C2orf92: variants seen among roughly 807,000 people sequenced by gnomAD.
The protein encoded by C2orf92 is uncharacterized protein C2orf92.
intron 6 of C2orf92, among the ~76,000 whole-genome samples, chr2:97,700,830 C>A (rs1266897827): frequency 6.6e-6 from 1 of 151,912 alleles, no homozygotes. Flanking sequence ...CCCGGGTTCA[C>A]GCCATTCTCC....
upstream of C2orf92, among the ~76,000 whole-genome samples, chr2:97,667,268 ATT>A (rs1218123940): frequency 8.8e-5 from 2 of 22,822 alleles, no homozygotes; most frequent in Non-Finnish European, 1.3e-4. Flanking sequence ...TCTCTTTTTT[ATT>A]TTTTTTTTTT....
At chr2:97,699,604 T>TA in intron 6 of C2orf92, among the ~76,000 whole-genome samples, 1 of 151,996 alleles carries the variant, frequency 6.6e-6, no homozygotes, top group Non-Finnish European at 1.5e-5. Context: ...AGACTCAATC[T>TA]AAAAAAATAA....
At chr2:97,673,939 C>G (rs1675492371) in intron 1 of C2orf92, among the ~76,000 whole-genome samples, 1 of 152,182 alleles carries the variant, frequency 6.6e-6, no homozygotes, top group Non-Finnish European at 1.5e-5. Flanking sequence ...ACTGAGTGGT[C>G]AAGATCATCC....
At chr2:97,685,225 G>A (rs534357375) in intron 3 of C2orf92, among the ~76,000 whole-genome samples, 5 of 151,118 alleles carry the variant, frequency 3.3e-5, no homozygotes, top group Admixed American at 6.6e-5. Flanking sequence ...CACCACGCCC[G>A]GCCTAGAATG....
chr2:97,667,929 A>C (rs540264574), upstream of C2orf92: 2 of 152,218 alleles, frequency 1.3e-5, no homozygotes, highest in Non-Finnish European at 2.9e-5. Context: ...TCCCCAGGGC[A>C]CTTCCACCCC....
intron 3 of C2orf92, among the ~76,000 whole-genome samples, chr2:97,681,360 A>G (rs910528684): frequency 2.6e-5 from 4 of 152,206 alleles, no homozygotes; most frequent in African/African-American, 9.6e-5. Context: ...TCACAATGGA[A>G]TGAAACTAGA....
chr2:97,667,935 A>G (rs1282635222), upstream of C2orf92: 2 of 152,062 alleles, frequency 1.3e-5, no homozygotes, highest in Non-Finnish European at 2.9e-5. Context: ...GGGCACTTCC[A>G]CCCCTGGGTA....
At chr2:97,690,692 T>C (rs1453615234) in intron 5 of C2orf92, among the ~76,000 whole-genome samples, 1 of 148,804 alleles carries the variant, frequency 6.7e-6, no homozygotes, top group Non-Finnish European at 1.5e-5. Context: ...CTCCTTTTCC[T>C]TTTACCTGAC....
At chr2:97,678,115 G>T (rs1675641733) in intron 3 of C2orf92, among the ~76,000 whole-genome samples, 1 of 151,862 alleles carries the variant, frequency 6.6e-6, no homozygotes, top group African/African-American at 2.4e-5. Context: ...CAGGAGAATG[G>T]CATGAACCCA....
intron 1 of C2orf92, 62 bp from the exon 2 acceptor site, chr2:97,674,394 C>A (rs184714674): frequency 2.5e-6 from 1 of 398,164 alleles, no homozygotes; most frequent in Non-Finnish European, 4.4e-6. Flanking sequence ...TATTCATAGT[C>A]TGCTTTAGGT....
intron 5 of C2orf92, among the ~76,000 whole-genome samples, chr2:97,696,122 A>G (rs1003478395): frequency 6.6e-6 from 1 of 152,238 alleles, no homozygotes; most frequent in African/African-American, 2.4e-5. Flanking sequence ...AGGAGAGTCA[A>G]TCTAATCGGT....
chr2:97,677,235 G>A (rs765731457), intron 3 of C2orf92, among the ~76,000 whole-genome samples: 16 of 152,156 alleles, frequency 1.1e-4, no homozygotes, highest in Non-Finnish European at 1.8e-4. Context: ...AACTCAGGGC[G>A]CGTATTTTGA....
At chr2:97,668,316 C>T (rs1675302787), upstream of C2orf92, 1 of 152,172 alleles carries the variant, frequency 6.6e-6, no homozygotes, top group Admixed American at 6.5e-5. Context: ...CCCCGCCGAA[C>T]CTCAGAATGT....
At chr2:97,693,161 C>T (rs918602920) in intron 5 of C2orf92, among the ~76,000 whole-genome samples, 4 of 152,062 alleles carry the variant, frequency 2.6e-5, no homozygotes, top group African/African-American at 9.7e-5. Context: ...ACAGAATTTC[C>T]TTTCTTTTTA....
intron 4 of C2orf92, among the ~76,000 whole-genome samples, chr2:97,689,855 G>A (rs1159562998): frequency 1.3e-5 from 2 of 152,148 alleles, no homozygotes; most frequent in East Asian, 1.9e-4. Flanking sequence ...CAAGCCAGGC[G>A]CGGTGGCTCA....
At chr2:97,671,794 C>T in intron 1 of C2orf92, 1 of 297,708 alleles carries the variant, frequency 3.4e-6, no homozygotes, top group Non-Finnish European at 6.1e-6. Flanking sequence ...AGTTTCTGCT[C>T]TGAGGCCCCA....
intron 5 of C2orf92, among the ~76,000 whole-genome samples, chr2:97,694,267 C>T (rs768914660): frequency 6.8e-6 from 1 of 146,722 alleles, no homozygotes; most frequent in Non-Finnish European, 1.5e-5. Flanking sequence ...TTTTTTGAGA[C>T]AGAGCCTCAC....
chr2:97,692,298 T>C (rs1455012390), intron 5 of C2orf92, among the ~76,000 whole-genome samples: 1 of 152,188 alleles, frequency 6.6e-6, no homozygotes, highest in Admixed American at 6.6e-5. Context: ...CATTATACTC[T>C]CTACCTACTT....
rs887119823 is a variant in C2orf92 at position 97,688,884 on chromosome 2, C to G, written c.233-11C>G. 3 of 398,480 alleles carry G rather than the reference C, an allele frequency of 7.5e-6. No individual in the cohort carries two copies. Among genetic ancestry groups the G allele is most frequent in the Non-Finnish European group, 1.3e-5 (3 of 226,068 alleles). The allele number at this position is 398,480 out of a possible 1,614,324, so 24.7% of individuals were successfully genotyped here. On this transcript the variant is annotated splice_polypyrimidine_tract_variant and intron_variant, in intron 3 of 7. Coordinates refer to ENST00000627399, the MANE Select transcript of C2orf92 (RefSeq NM_001351368.2). ...TGCTGTATTAACATGCCTTTGTTTG[C>G]TCCACTGGAGATGAAATTCTACTGC...
Sources: gnomAD v4.1 joint callset for allele counts (sites outside exome capture counted in the v4.1 genomes callset) on GRCh38, gnomAD v4.1.1 for gene constraint, MANE v1.5 for transcripts, NCBI Gene and HGNC (gene_info 2026-07-23, HGNC 2026-07-21) for gene names.